The following DOCK3 variants were observed in gnomAD, a reference collection of about 807,000 sequenced individuals.
The protein encoded by DOCK3 is dedicator of cytokinesis protein 3.
In DOCK3, 60 loss-of-function variants were observed where a neutral mutation model predicts 265.6. The ratio of observed to expected loss-of-function variants is 0.23; its 90% CI spans 0.18 to 0.28. The LOEUF is 0.28. DOCK3 is among the 10% of genes least tolerant of loss of function. DOCK3 has a pLI of 1.00. For synonymous variants in DOCK3, 881 were observed against 938.0 expected (o/e 0.94, Z 1.11); for missense variants, 1,981 against 2,594.3 (o/e 0.76, Z 5.14).
chr3:51,304,214 G>A (rs904778061), intron 27 of DOCK3, among the ~76,000 whole-genome samples: 4 of 152,100 alleles, frequency 2.6e-5, no homozygotes, highest in Admixed American at 2.0e-4. Context: ...CAGCCAGTGT[G>A]GCAGTTTGGA....
intron 3 of DOCK3, among the ~76,000 whole-genome samples, chr3:50,850,631 T>A (rs1476650571): frequency 6.6e-5 from 10 of 152,202 alleles, no homozygotes; most frequent in Non-Finnish European, 8.8e-5. Context: ...ATTTTAAAAA[T>A]TATTTTTGTG....
At chr3:51,090,485 A>C in intron 9 of DOCK3, 101 bp downstream of exon 9, 4 of 1,268,450 alleles carry the variant, frequency 3.2e-6, no homozygotes, top group Non-Finnish European at 4.2e-6. Context: ...AAGAGGCAAA[A>C]CAAGATAAAG....
chr3:50,780,766 A>C (rs1260791357), intron 2 of DOCK3, among the ~76,000 whole-genome samples: 1 of 152,146 alleles, frequency 6.6e-6, no homozygotes, highest in Non-Finnish European at 1.5e-5. Flanking sequence ...GGGATAGAAC[A>C]TTAGAACTGA....
intron 5 of DOCK3, among the ~76,000 whole-genome samples, chr3:51,064,247 T>C (rs902619216): frequency 6.6e-6 from 1 of 152,246 alleles, no homozygotes; most frequent in Non-Finnish European, 1.5e-5. Context: ...TCAATTATGT[T>C]ACTTTGTTGG....
At chr3:50,928,154 T>TAA (rs1553705932) in intron 4 of DOCK3, among the ~76,000 whole-genome samples, 3 of 138,632 alleles carry the variant, frequency 2.2e-5, no homozygotes, top group Non-Finnish European at 3.1e-5. Context: ...TATATATATA[T>TAA]AATAAAGTTT....
chr3:50,689,803 T>C (rs1196347004), intron 1 of DOCK3, among the ~76,000 whole-genome samples: 1 of 152,178 alleles, frequency 6.6e-6, no homozygotes, highest in African/African-American at 2.4e-5. Flanking sequence ...GCTTTGCTTC[T>C]TTACCCACTG....
intron 4 of DOCK3, among the ~76,000 whole-genome samples, chr3:50,919,199 T>C (rs897391889): frequency 6.6e-5 from 10 of 152,184 alleles, no homozygotes; most frequent in African/African-American, 1.9e-4. Flanking sequence ...AGTGTGATGC[T>C]TCCAGCTTTG....
At chr3:51,313,383 A>C (rs1023490823) in intron 31 of DOCK3, among the ~76,000 whole-genome samples, 1 of 152,236 alleles carries the variant, frequency 6.6e-6, no homozygotes, top group Non-Finnish European at 1.5e-5. Context: ...CACCAGTTGC[A>C]TGGAGTAACA....
chr3:50,725,511 T>G (rs747305055), intron 1 of DOCK3, among the ~76,000 whole-genome samples: 17 of 152,176 alleles, frequency 1.1e-4, no homozygotes, highest in Non-Finnish European at 2.2e-4. Context: ...GTGATTAAAG[T>G]GGCAAAAATG....
intron 1 of DOCK3, among the ~76,000 whole-genome samples, chr3:50,759,447 C>T (rs368127392): frequency 6.6e-6 from 1 of 151,888 alleles, no homozygotes; most frequent in Non-Finnish European, 1.5e-5. Flanking sequence ...TTGCATTTCC[C>T]TAATGATTAG....
intron 1 of DOCK3, among the ~76,000 whole-genome samples, chr3:50,741,845 A>G (rs1302726210): frequency 6.6e-6 from 1 of 152,242 alleles, no homozygotes; most frequent in Non-Finnish European, 1.5e-5. Context: ...CTGAGGAATC[A>G]CCACATTGAC....
At chr3:51,249,565 CCCGCCCGG>C (rs1448248930) in intron 22 of DOCK3, among the ~76,000 whole-genome samples, 15 of 113,270 alleles carry the variant, frequency 1.3e-4, no homozygotes, top group East Asian at 2.7e-4. Flanking sequence ...GGGTCAGCCC[CCCGCCCGG>C]CCAGCCGCCC....
At chr3:50,965,528 G>A (rs1459258836) in intron 5 of DOCK3, among the ~76,000 whole-genome samples, 4 of 152,130 alleles carry the variant, frequency 2.6e-5, no homozygotes, top group Admixed American at 6.5e-5. Context: ...TAAATTTGAC[G>A]AATTAGATGA....
chr3:51,218,793 C>T lies in DOCK3; in HGVS notation c.1252+4546C>T, dbSNP rs543887704. Among the ~76,000 whole-genome samples, 48 of 152,164 alleles carry T rather than the reference C, an allele frequency of 3.2e-4. No individual in the cohort carries two copies. In the South Asian group the frequency reaches 9.7e-3, roughly 31 times the overall value. On this transcript the variant is annotated intron_variant, in intron 14 of 52. Coordinates refer to ENST00000266037, the MANE Select transcript of DOCK3 (RefSeq NM_004947.5). ...GTTTTTTTCCTAAAGCAGTGGTTGC[C>T]GAACCTCAGTGTGCCTCAGAATCAC... is the stretch of plus-strand genomic sequence containing the variant.
chr3:51,372,016 G>C (rs2087723405), intron 49 of DOCK3, among the ~76,000 whole-genome samples: 1 of 152,192 alleles, frequency 6.6e-6, no homozygotes, highest in Non-Finnish European at 1.5e-5. Context: ...ACTGAACAGA[G>C]AGTAGTCCTG....
intron 3 of DOCK3, among the ~76,000 whole-genome samples, chr3:50,879,936 A>G (rs2047937433): frequency 6.6e-6 from 1 of 152,236 alleles, no homozygotes; most frequent in Admixed American, 6.5e-5. Flanking sequence ...ACTGTCTCTC[A>G]GACCACAGTG....
chr3:51,053,214 A>G (rs754509064), intron 5 of DOCK3, among the ~76,000 whole-genome samples: 31 of 142,170 alleles, frequency 2.2e-4, no homozygotes, highest in South Asian at 4.6e-4. Flanking sequence ...CCTGATTCTC[A>G]CTCCCCATTT....
At chr3:51,378,805 CCTT>C (rs1553617360) in intron 51 of DOCK3, among the ~76,000 whole-genome samples, 2 of 152,340 alleles carry the variant, frequency 1.3e-5, no homozygotes, top group Admixed American at 6.5e-5. Context: ...GCAGTGGACT[CCTT>C]CTTTAACACA....
chr3:50,990,614 TTATTAAGGAG>T (rs2078069846), intron 5 of DOCK3, among the ~76,000 whole-genome samples: 1 of 152,032 alleles, frequency 6.6e-6, no homozygotes, highest in Non-Finnish European at 1.5e-5. Flanking sequence ...AAAAGGGAGT[TTATTAAGGAG>T]TATTAACTCA....
Sources: gnomAD v4.1 joint callset for allele counts (sites outside exome capture counted in the v4.1 genomes callset) on GRCh38, gnomAD v4.1.1 for gene constraint, MANE v1.5 for transcripts, NCBI Gene and HGNC (gene_info 2026-07-23, HGNC 2026-07-21) for gene names.